Variants in SLC25A42 observed in about 807,000 individuals in gnomAD.
SLC25A42 encodes solute carrier family 25 member 42, also known as mitochondrial coenzyme A transporter SLC25A42.
Under a neutral mutation model 34.7 loss-of-function variants are expected in SLC25A42, and 19 were observed. The observed-to-expected ratio is 0.55, with a 90% CI of 0.38 to 0.80. The LOEUF is 0.80. Among genes scored for constraint, SLC25A42 ranks in the 30% least tolerant of loss-of-function variants. SLC25A42 has a pLI of 0.00. For synonymous variants in SLC25A42, 205 were observed against 191.2 expected (o/e 1.07, Z -0.59); for missense variants, 364 against 441.3 (o/e 0.82, Z 1.57).
At position 19,096,189 on chromosome 19, in the gene SLC25A42, C is replaced by T. The variant is rs748394350; in HGVS notation, c.65C>T (p.Ser22Leu). ...GAGGATGCTGAGGCTGTCCTGTCCT[C>T]GTCCGTCTCATCAAAGGCAAGTACC... ...LHEDAEAVLS[S>L]SVSSKRDHRQ... Residue 22 changes from serine to leucine, a missense_variant, in exon 2 of 8, where the codon TCG (serine) becomes TTG (leucine). Ser to Leu is a moderately radical substitution (Grantham distance 145). Transcript: ENST00000318596. The T allele has an allele frequency of 1.3e-5, 21 of 1,613,650 alleles. No individual in the cohort carries two copies. Among genetic ancestry groups the T allele is most frequent in the Middle Eastern group, 1.7e-4 (1 of 6,044 alleles).
intron 1 of SLC25A42, among the ~76,000 whole-genome samples, chr19:19,065,740 A>G (rs1456779635): frequency 6.6e-6 from 1 of 152,362 alleles, no homozygotes; most frequent in Admixed American, 6.5e-5. Context: ...TGTGTTGTAC[A>G]CATATGTACA....
chr19:19,106,200 C>T, intron 5 of SLC25A42, 69 bp from the exon 6 acceptor site: 1 of 1,368,142 alleles, frequency 7.3e-7, no homozygotes, highest in Non-Finnish European at 1.0e-6. Context: ...TGCGGGTGCT[C>T]CAGGCTGGGC....
intron 3 of SLC25A42, 131 bp downstream of exon 3, chr19:19,102,017 T>G (rs912567190): frequency 1.6e-4 from 101 of 650,370 alleles, no homozygotes; most frequent in Non-Finnish European, 1.6e-4. Context: ...TTTTGTTGTT[T>G]TTTTTTTTTG....
At chr19:19,084,231 C>T (rs760883817) in intron 1 of SLC25A42, among the ~76,000 whole-genome samples, 2 of 152,216 alleles carry the variant, frequency 1.3e-5, no homozygotes, top group Admixed American at 6.5e-5. Flanking sequence ...TCCCACCCAG[C>T]GTCCACCACA....
intron 2 of SLC25A42, among the ~76,000 whole-genome samples, chr19:19,100,873 A>T (rs765888513): frequency 6.6e-6 from 1 of 152,172 alleles, no homozygotes; most frequent in African/African-American, 2.4e-5. Flanking sequence ...TCCACGTTAC[A>T]TTCAGACAGC....
intron 2 of SLC25A42, 49 bp downstream of exon 2, chr19:19,096,254 T>TGGGGGCCCCCCCCCCCCCCCCCCCC: frequency 6.9e-7 from 1 of 1,456,730 alleles, no homozygotes; most frequent in Admixed American, 1.8e-5. Flanking sequence ...GGCCCCAGCC[T>TGGGGGCCCCCCCCCCCCCCCCCCCC]CCCCACCCCC....
chr19:19,099,830 C>T (rs1030874739), intron 2 of SLC25A42, among the ~76,000 whole-genome samples: 1 of 151,916 alleles, frequency 6.6e-6, no homozygotes, highest in East Asian at 2.0e-4. Context: ...TGGGTTCAAG[C>T]GATTCTTCTG....
intron 1 of SLC25A42, among the ~76,000 whole-genome samples, chr19:19,091,678 A>C (rs574627050): frequency 6.6e-5 from 10 of 152,058 alleles, no homozygotes; most frequent in Admixed American, 4.6e-4. Flanking sequence ...GGAGTTCAAG[A>C]CCAGCCTGGG....
At chr19:19,074,751 G>A (rs1454401439) in intron 1 of SLC25A42, among the ~76,000 whole-genome samples, 1 of 152,010 alleles carries the variant, frequency 6.6e-6, no homozygotes, top group East Asian at 1.9e-4. Flanking sequence ...GTATGTGTGA[G>A]CGAGTGTGAG....
intron 2 of SLC25A42, among the ~76,000 whole-genome samples, chr19:19,096,754 T>A (rs938661937): frequency 6.6e-6 from 1 of 152,014 alleles, no homozygotes; most frequent in Admixed American, 6.6e-5. Flanking sequence ...CTGGGCAACA[T>A]GGTGAAACCC....
At chr19:19,106,476 A>G (rs1202326103) in intron 6 of SLC25A42, 91 bp downstream of exon 6, 1 of 1,059,602 alleles carries the variant, frequency 9.4e-7, no homozygotes, top group East Asian at 2.5e-5. Flanking sequence ...ATCGGGCCCC[A>G]GGGGTTTGCA....
Position 19,112,734 on chromosome 19 carries a change from C to G in SLC25A42, c.*1858C>G, listed in dbSNP as rs950832270. 6.5e-6 allele frequency: 1 copy of G among 152,748 alleles called. No individual in the cohort carries two copies. The highest frequency in any genetic ancestry group is 1.5e-5 in the Non-Finnish European group (1 of 68,164). The allele number at this position is 152,748 out of a possible 1,614,324, so 9.5% of individuals were successfully genotyped here. On this transcript the variant is annotated 3_prime_UTR_variant, in exon 8 of 8. Coordinates refer to ENST00000318596, the MANE Select transcript of SLC25A42 (RefSeq NM_178526.5). The surrounding 1 kb of genome is among the most constrained non-coding windows in gnomAD (Gnocchi z 4.3). ...CCCCCACCCCTGCACACAGCCAGGCCCTCAGGCTCTGCGGTCACTCGCCTC... is the reference window on the plus strand; with the variant it reads ...CCCCCACCCCTGCACACAGCCAGGCGCTCAGGCTCTGCGGTCACTCGCCTC...
intron 1 of SLC25A42, among the ~76,000 whole-genome samples, chr19:19,089,683 C>A (rs1466212870): frequency 6.6e-6 from 1 of 152,026 alleles, no homozygotes; most frequent in Non-Finnish European, 1.5e-5. Context: ...GCCTGCCCAA[C>A]ATGGTGAAAC....
intron 1 of SLC25A42, among the ~76,000 whole-genome samples, chr19:19,083,243 C>T (rs2059690118): frequency 6.6e-6 from 1 of 152,218 alleles, no homozygotes; most frequent in Admixed American, 6.5e-5. Flanking sequence ...CTGCACCTGG[C>T]CTCTCCTGCA....
intron 1 of SLC25A42, among the ~76,000 whole-genome samples, chr19:19,065,214 G>T (rs1041011943): frequency 7.9e-5 from 12 of 152,180 alleles, no homozygotes; most frequent in Non-Finnish European, 8.8e-5. Context: ...CGCTGCCGGA[G>T]GAGGGGGGCT....
Position 19,093,894 on chromosome 19 carries a change from T to A in SLC25A42, c.-34-2197T>A, listed in dbSNP as rs1463823673. On this transcript the variant is annotated intron_variant, in intron 1 of 7. Coordinates refer to ENST00000318596, the MANE Select transcript of SLC25A42 (RefSeq NM_178526.5). ...GATTTTGCCAGGTTGGCCAGGCTGG[T>A]CTTAAACTCCTGAGCTCGTGATCTG... Among the ~76,000 whole-genome samples, 4 of 152,302 alleles carry A rather than the reference T, an allele frequency of 2.6e-5. No individual in the cohort carries two copies. In the East Asian group the frequency reaches 5.8e-4, roughly 22 times the overall value.
chr19:19,099,174 G>A (rs560976115), intron 2 of SLC25A42, among the ~76,000 whole-genome samples: 1 of 152,282 alleles, frequency 6.6e-6, no homozygotes, highest in African/African-American at 2.4e-5. Flanking sequence ...GGAACCAGAC[G>A]TCTGCAACCT....
At chr19:19,102,037 C>T (rs1042829431) in intron 3 of SLC25A42, 151 bp downstream of exon 3, 2 of 599,264 alleles carry the variant, frequency 3.3e-6, no homozygotes, top group South Asian at 4.3e-5. Flanking sequence ...GAGACGGAGT[C>T]TCGCTCTGTC....
chr19:19,101,434 A>G (rs2145920183), intron 2 of SLC25A42, among the ~76,000 whole-genome samples: 1 of 152,246 alleles, frequency 6.6e-6, no homozygotes, highest in Non-Finnish European at 1.5e-5. Flanking sequence ...GTGTACCTAC[A>G]ATGCCACAGT....
Sources: gnomAD v4.1 joint callset for allele counts (sites outside exome capture counted in the v4.1 genomes callset) on GRCh38, gnomAD v4.1.1 for gene constraint, Gnocchi (gnomAD v3.1) non-coding constraint, MANE v1.5 for transcripts, NCBI Gene and HGNC (gene_info 2026-07-23, HGNC 2026-07-21) for gene names.